The following PGBD5 variants were observed in gnomAD, a reference collection of about 807,000 sequenced individuals.
PGBD5 encodes the protein piggyBac transposable element-derived protein 5.
PGBD5 carries 14 observed loss-of-function variants against 47.9 expected under a neutral mutation model. The ratio of observed to expected loss-of-function variants is 0.29; its 90% CI spans 0.19 to 0.46. The LOEUF (loss-of-function observed/expected upper bound fraction) is 0.46. PGBD5 is among the 20% of genes least tolerant of loss of function. PGBD5 has a pLI of 1.00. For synonymous variants in PGBD5, 316 were observed against 306.3 expected (o/e 1.03, Z -0.33); for missense variants, 635 against 716.0 (o/e 0.89, Z 1.29).
chr1:230,425,945 C>T lies in PGBD5; in HGVS notation c.-17G>A. 1 of 837,148 alleles carries T rather than the reference C, an allele frequency of 1.2e-6. No homozygotes were observed. The allele number at this position is 837,148 out of a possible 1,614,324, so 51.9% of individuals were successfully genotyped here. On this transcript the variant is annotated 5_prime_UTR_variant, in exon 1 of 7. Transcript: ENST00000391860. This position sits in a 1 kb window ranked among gnomAD's most constrained non-coding sequence, Gnocchi z 4.7. ...CTCGGCCATGGCCCCGGCCGCCGCCCGCGCGCCCGCCCCCACAGTGCCTCC... is the reference window on the plus strand; with the variant it reads ...CTCGGCCATGGCCCCGGCCGCCGCCTGCGCGCCCGCCCCCACAGTGCCTCC...
rs1211661735 is a variant in PGBD5, at chr1:230,316,142, ATG to A, written c.*7281_*7282del. 6.6e-6 allele frequency: 1 copy of A among 150,636 alleles called. No individual in the cohort carries two copies. Among genetic ancestry groups the A allele is most frequent in the Admixed American group, 6.6e-5 (1 of 15,204 alleles). The allele number at this position is 150,636 out of a possible 1,614,324, so 9.3% of individuals were successfully genotyped here. On this transcript the variant is annotated 3_prime_UTR_variant, in exon 7 of 7. Coordinates refer to ENST00000391860, the MANE Select transcript of PGBD5 (RefSeq NM_001258311.2). ...TCTATGTGTATACATACATATGTAT[ATG>A]TGTACACATATATGTATGTGTATAC...
intron 1 of PGBD5, among the ~76,000 whole-genome samples, chr1:230,384,090 T>A (rs1176770815): frequency 1.3e-5 from 2 of 152,182 alleles, no homozygotes; most frequent in East Asian, 3.9e-4. Context: ...ACGGAAAGAT[T>A]CCTGATTTCT....
In PGBD5 at chr1:230,357,371, TGACTCGACACGA is replaced by T. The variant is rs1667667814; in HGVS notation, c.332-62_332-51del. 6.4e-7 allele frequency: 1 copy of T among 1,572,100 alleles called. No homozygotes were observed. On this transcript the variant is annotated intron_variant, in intron 1 of 6. Transcript: ENST00000391860. This position sits in a 1 kb window ranked among gnomAD's most constrained non-coding sequence, Gnocchi z 5.7. ...GTTCCTTAGGACGGCCGCCACACCC[TGACTCGACACGA>T]GAACGGCTGCATTTCCAATCCCTGG...
intron 5 of PGBD5, among the ~76,000 whole-genome samples, chr1:230,328,073 T>C (rs923218235): frequency 2.6e-5 from 4 of 152,166 alleles, no homozygotes; most frequent in Admixed American, 2.6e-4. Context: ...CTCTGAGTCA[T>C]TAGTGTCTCC....
chr1:230,396,176 C>T (rs376234011), intron 1 of PGBD5, among the ~76,000 whole-genome samples: 3 of 133,958 alleles, frequency 2.2e-5, no homozygotes, highest in Non-Finnish European at 4.7e-5. Flanking sequence ...TCCCTTTTAC[C>T]CACATTCCTT....
intron 1 of PGBD5, among the ~76,000 whole-genome samples, chr1:230,363,834 C>G (rs925048335): frequency 6.0e-5 from 9 of 149,930 alleles, no homozygotes; most frequent in African/African-American, 2.3e-4. Flanking sequence ...TGCAACACCA[C>G]AAAAATATTC....
intron 2 of PGBD5, among the ~76,000 whole-genome samples, chr1:230,356,244 C>T (rs1332011820): frequency 6.6e-6 from 1 of 152,186 alleles, no homozygotes; most frequent in Non-Finnish European, 1.5e-5. Context: ...CTCTGGAGTT[C>T]TATCTCCCCA....
intron 3 of PGBD5, among the ~76,000 whole-genome samples, chr1:230,341,986 T>C (rs1398275405): frequency 6.6e-6 from 1 of 152,226 alleles, no homozygotes; most frequent in African/African-American, 2.4e-5. Flanking sequence ...TAATGTTGCA[T>C]ATTTTATACT....
rs746017701 is a variant in PGBD5, at chr1:230,317,606, G to A, written c.*5819C>T. The A allele has an allele frequency of 2.6e-5, 4 of 152,104 alleles. No homozygotes were observed. Among genetic ancestry groups the A allele is most frequent in the Non-Finnish European group, 5.9e-5 (4 of 68,006 alleles). The allele number at this position is 152,104 out of a possible 1,614,324, so 9.4% of individuals were successfully genotyped here. A position where few individuals can be genotyped will look rare whatever the true frequency, so the allele number is the denominator to read the frequency against. ...GACCCTTGGGGAGGGGAGGGCCGAG[G>A]CTGATTTATCTGGCGGGCTCAGCCT... On this transcript the variant is annotated 3_prime_UTR_variant, in exon 7 of 7. Coordinates refer to ENST00000391860, the MANE Select transcript of PGBD5 (RefSeq NM_001258311.2).
At chr1:230,364,944 C>T (rs576256899) in intron 1 of PGBD5, among the ~76,000 whole-genome samples, 9 of 150,810 alleles carry the variant, frequency 6.0e-5, no homozygotes, top group South Asian at 2.2e-4. Context: ...TGCTTGAACC[C>T]GGGAGGCAGA....
chr1:230,352,255 G>A (rs917511472), intron 2 of PGBD5, among the ~76,000 whole-genome samples: 3 of 152,152 alleles, frequency 2.0e-5, no homozygotes, highest in African/African-American at 2.4e-5. Context: ...TGACCACACC[G>A]ATACAAAGTC....
chr1:230,367,888 G>C, intron 1 of PGBD5: 2 of 1,312,362 alleles, frequency 1.5e-6, no homozygotes, highest in South Asian at 2.4e-5. Context: ...CCAGACTCCC[G>C]CTCTGCAGGT....
intron 1 of PGBD5, among the ~76,000 whole-genome samples, chr1:230,383,095 G>A (rs1016828192): frequency 6.6e-6 from 1 of 152,138 alleles, no homozygotes; most frequent in African/African-American, 2.4e-5. Flanking sequence ...TTTGAGACAA[G>A]GTCTTGCTCT....
At chr1:230,329,128 G>GGGGT (rs1667171775) in intron 5 of PGBD5, among the ~76,000 whole-genome samples, 1 of 151,278 alleles carries the variant, frequency 6.6e-6, no homozygotes, top group African/African-American at 2.4e-5. Flanking sequence ...TTTTTGGGGG[G>GGGGT]GGAGGTGGTA....
In PGBD5 at chr1:230,357,002, G is replaced by C. The variant is rs1175519426; in HGVS notation, c.651C>G (p.Val217=). The C allele has an allele frequency of 1.2e-6, 2 of 1,614,192 alleles. No homozygotes were observed. Among genetic ancestry groups the C allele is most frequent in the Middle Eastern group, 1.6e-4 (1 of 6,062 alleles). Residue 217 remains valine (V), a synonymous_variant, in exon 2 of 7, where the codon GTC becomes GTG. Coordinates refer to ENST00000391860, the MANE Select transcript of PGBD5 (RefSeq NM_001258311.2). This position sits in a 1 kb window ranked among gnomAD's most constrained non-coding sequence, Gnocchi z 5.7. ...TGGTCTGGCTGGAGCGGAAGGCCAC[G>C]ACGTGGAAGTACTTGAGGATCTTCT... ...RFEKILKYFH[V]VAFRSSQTTH...
chr1:230,421,970 C>T (rs1657658829), intron 1 of PGBD5, among the ~76,000 whole-genome samples: 1 of 152,094 alleles, frequency 6.6e-6, no homozygotes, highest in African/African-American at 2.4e-5. Context: ...CAACAACAAA[C>T]TGTAAAGATA....
rs1006634082 is a variant in PGBD5 at position 230,360,171 on chromosome 1, T to A, written c.332-2850A>T. 2.6e-5 allele frequency among the ~76,000 whole-genome samples: 4 copies of A among 152,182 alleles called. No homozygotes were observed. The South Asian group carries it at 8.3e-4, about 32-fold the overall frequency. On this transcript the variant is annotated intron_variant, in intron 1 of 6. Coordinates refer to ENST00000391860, the MANE Select transcript of PGBD5 (RefSeq NM_001258311.2). ...GCTTAAAGTTATGTTTAAAGTAATTTTGCCCCCCAGGCCATTTCAAAATGA... is the reference window on the plus strand; with the variant it reads ...GCTTAAAGTTATGTTTAAAGTAATTATGCCCCCCAGGCCATTTCAAAATGA...
At chr1:230,406,416 A>G (rs1204809602) in intron 1 of PGBD5, among the ~76,000 whole-genome samples, 1 of 152,068 alleles carries the variant, frequency 6.6e-6, no homozygotes, top group Non-Finnish European at 1.5e-5. Context: ...ATAGCTACTA[A>G]TTTTATAGGC....
intron 1 of PGBD5, among the ~76,000 whole-genome samples, chr1:230,418,994 G>C (rs555084725): frequency 7.6e-4 from 116 of 152,338 alleles, no homozygotes; most frequent in African/African-American, 2.7e-3. Context: ...ACTGTGCAGA[G>C]AACTTTGGAG....
Sources: allele counts gnomAD v4.1 joint callset (sites outside exome capture counted in the v4.1 genomes callset), GRCh38; gene constraint gnomAD v4.1.1; non-coding constraint Gnocchi (gnomAD v3.1); transcripts MANE v1.5; gene names NCBI Gene and HGNC (gene_info 2026-07-23, HGNC 2026-07-21).